Variants in PRKAB1 observed in about 807,000 individuals in gnomAD.
PRKAB1 encodes the protein 5'-AMP-activated protein kinase subunit beta-1.
In PRKAB1, 18 loss-of-function variants were observed where a neutral mutation model predicts 32.0. The observed-to-expected ratio is 0.56, with a 90% CI of 0.39 to 0.83. The LOEUF is 0.83. PRKAB1 is among the 40% of genes least tolerant of loss of function. PRKAB1 has a pLI of 0.00. For synonymous variants in PRKAB1, 141 were observed against 141.4 expected, an observed-to-expected ratio of 1.00 and a Z score of 0.02; for missense variants, 263 against 352.6, an observed-to-expected ratio of 0.75 and a Z score of 2.03.
Position 119,679,942 on chromosome 12 carries a change from G to C in PRKAB1, c.676G>C (p.Ala226Pro). ...NKDTGISCDP[A>P]LLPEPNHVML... ...CTTTGTTCCCTCACAGTGTGATCCA[G>C]CTTTGCTTCCTGAGCCCAATCACGT... The change falls in exon 6 of 7, where the codon GCT (alanine) becomes CCT (proline). Residue 226 changes from alanine (A) to proline (P), a missense_variant. Ala to Pro is a conservative substitution (Grantham distance 27). Coordinates refer to ENST00000229328, the MANE Select transcript of PRKAB1 (RefSeq NM_006253.5). The surrounding 1 kb of genome is among the most constrained non-coding windows in gnomAD (Gnocchi z 4.1). 6.2e-7 allele frequency: 1 copy of C among 1,614,150 alleles called. No individual in the cohort carries two copies. The highest frequency in any genetic ancestry group is 8.5e-7 in the Non-Finnish European group (1 of 1,179,982).
At position 119,680,332 on chromosome 12, in the gene PRKAB1, G is replaced by C; in HGVS notation, c.*7G>C. On this transcript the variant is annotated 3_prime_UTR_variant, in exon 7 of 7. Coordinates refer to ENST00000229328, the MANE Select transcript of PRKAB1 (RefSeq NM_006253.5). ...GTTATACAAGCCCATATGAAGAGCT[G>C]GGGGCGGATGGTGGCCCAGGAGACA... 1 of 1,612,522 alleles carries C rather than the reference G, an allele frequency of 6.2e-7. No individual in the cohort carries two copies. The highest frequency in any genetic ancestry group is 8.5e-7 in the Non-Finnish European group (1 of 1,178,662).
upstream of PRKAB1, chr12:119,668,024 T>C: frequency 3.7e-6 from 2 of 539,938 alleles, no homozygotes; most frequent in Non-Finnish European, 6.2e-6. Context: ...CCTTGCGTTC[T>C]TGCCGCGGCT....
rs142278188 is a variant in PRKAB1, at chr12:119,679,714, C to A, written c.667-219C>A. On this transcript the variant is annotated intron_variant, in intron 5 of 6. Coordinates refer to ENST00000229328, the MANE Select transcript of PRKAB1 (RefSeq NM_006253.5). This position sits in a 1 kb window ranked among gnomAD's most constrained non-coding sequence, Gnocchi z 4.1. Reference sequence around the variant, plus strand: ...TAAATGCCTGGCCAGAGACACACACCGATGCCTCCAGCAGGCATGCAGGGA... The same window carrying A: ...TAAATGCCTGGCCAGAGACACACACAGATGCCTCCAGCAGGCATGCAGGGA... The A allele has an allele frequency of 1.8e-6, 1 of 553,074 alleles. No individual in the cohort carries two copies. The highest frequency in any genetic ancestry group is 1.9e-5 in the African/African-American group (1 of 52,926). 34.3% of individuals were successfully genotyped at this position (553,074 alleles called of 1,614,324 possible). A position where few individuals can be genotyped will look rare whatever the true frequency, so the allele number is the denominator to read the frequency against.
intron 4 of PRKAB1, among the ~76,000 whole-genome samples, chr12:119,676,208 G>T (rs11064875): frequency 0.035 from 5,366 of 152,250 alleles, 138 homozygotes; most frequent in Non-Finnish European, 0.054. Context: ...CCAGCCTGAA[G>T]GGAGAAGGAA....
intron 4 of PRKAB1, among the ~76,000 whole-genome samples, chr12:119,675,244 G>A (rs550308044): frequency 4.6e-5 from 7 of 152,334 alleles, no homozygotes; most frequent in African/African-American, 1.4e-4. Context: ...AACAGATTCC[G>A]TTCGTTGACA....
At chr12:119,672,116 A>C in intron 1 of PRKAB1, 185 bp from the exon 2 acceptor site, 1 of 530,440 alleles carries the variant, frequency 1.9e-6, no homozygotes, top group East Asian at 3.3e-5. Flanking sequence ...GGACTGTCTC[A>C]GTCTTCACAA....
rs2136862272 is a variant in PRKAB1, at chr12:119,680,448, A to AC, written c.*125dup. 9.9e-7 allele frequency: 1 copy of AC among 1,012,792 alleles called. No individual in the cohort carries two copies. Among genetic ancestry groups the AC allele is most frequent in the Admixed American group, 2.1e-5 (1 of 48,166 alleles). 62.7% of individuals were successfully genotyped at this position (1,012,792 alleles called of 1,614,324 possible). A position where few individuals can be genotyped will look rare whatever the true frequency, so the allele number is the denominator to read the frequency against. On this transcript the variant is annotated 3_prime_UTR_variant, in exon 7 of 7. Coordinates refer to ENST00000229328, the MANE Select transcript of PRKAB1 (RefSeq NM_006253.5). ...TCACACTCTTCAGAAGACATTTCAT[A>AC]CCTGCCCTGGTCCTGCTTGAAGGTT...
At chr12:119,678,885 T>C (rs142008322) in intron 5 of PRKAB1, 28 of 152,372 alleles carry the variant, frequency 1.8e-4, no homozygotes, top group African/African-American at 6.7e-4. Flanking sequence ...GTGGGATTGC[T>C]AGACCATGTG....
chr12:119,669,406 G>A (rs569392314), intron 1 of PRKAB1: 1 of 145,976 alleles, frequency 6.9e-6, no homozygotes, highest in South Asian at 2.2e-4. Context: ...TAGCTGGGAC[G>A]ACAGGCACCC....
At position 119,680,461 on chromosome 12, in the gene PRKAB1, C is replaced by T; in HGVS notation, c.*136C>T. On this transcript the variant is annotated 3_prime_UTR_variant, in exon 7 of 7. Transcript: ENST00000229328. ...AAGACATTTCATACCTGCCCTGGTC[C>T]TGCTTGAAGGTTTGTCCAGGCAGAG... 4.3e-6 allele frequency: 4 copies of T among 925,772 alleles called. No individual in the cohort carries two copies. The highest frequency in any genetic ancestry group is 4.9e-6 in the Non-Finnish European group (3 of 606,566). The allele number at this position is 925,772 out of a possible 1,614,324, so 57.3% of individuals were successfully genotyped here.
At chr12:119,668,475 G>C (rs1019044724) in intron 1 of PRKAB1, 72 bp downstream of exon 1, 10 of 1,553,752 alleles carry the variant, frequency 6.4e-6, no homozygotes, top group Non-Finnish European at 3.5e-6. Flanking sequence ...CTAGATTCCC[G>C]TCACATCCTT....
chr12:119,675,464 G>A (rs1955417253), intron 4 of PRKAB1, among the ~76,000 whole-genome samples: 1 of 152,166 alleles, frequency 6.6e-6, no homozygotes, highest in African/African-American at 2.4e-5. Context: ...GCAGATAGTT[G>A]AGAATCAGGG....
Position 119,674,284 on chromosome 12 carries a change from A to G in PRKAB1, c.418-56A>G. 1 of 1,406,760 alleles carries G rather than the reference A, an allele frequency of 7.1e-7. No homozygotes were observed. Among genetic ancestry groups the G allele is most frequent in the Non-Finnish European group, 1.0e-6 (1 of 1,001,716 alleles). 87.1% of individuals were successfully genotyped at this position (1,406,760 alleles called of 1,614,324 possible). ...CAGCCAGGAATTCCAAGTCCTCTGA[A>G]GAATAACTCCGCAGACCTTCCACGT... On this transcript the variant is annotated intron_variant, in intron 3 of 6. Transcript: ENST00000229328. The surrounding 1 kb of genome is among the most constrained non-coding windows in gnomAD (Gnocchi z 4.3).
chr12:119,677,949 A>G (rs531441741), intron 5 of PRKAB1: 1 of 152,162 alleles, frequency 6.6e-6, no homozygotes, highest in Admixed American at 6.6e-5. Context: ...TATTTTTAGT[A>G]AAGATGGGGT....
chr12:119,671,479 A>G, intron 1 of PRKAB1: 1 of 423,242 alleles, frequency 2.4e-6, no homozygotes, highest in South Asian at 1.7e-5. Context: ...TCATGGTAAA[A>G]GGCACCTCTT....
chr12:119,668,209 C>G lies in PRKAB1; in HGVS notation c.-36C>G, dbSNP rs773552804. The G allele has an allele frequency of 1.9e-5, 29 of 1,535,234 alleles. No individual in the cohort carries two copies. The highest frequency in any genetic ancestry group is 1.2e-5 in the Non-Finnish European group (14 of 1,148,534). On this transcript the variant is annotated 5_prime_UTR_variant, in exon 1 of 7. Transcript: ENST00000229328. ...AGGGTCCCTTTCCTGCAGTGAGGCGCCGTCCGCCTTCCCTGTGTCCCCGCA... is the reference window on the plus strand; with the variant it reads ...AGGGTCCCTTTCCTGCAGTGAGGCGGCGTCCGCCTTCCCTGTGTCCCCGCA...
rs1565876284 is a variant in PRKAB1, at chr12:119,674,929, G to GGC, written c.532+476_532+477dup. ...GTCAGAATCCCTTTGGGGAGGATGC[G>GGC]GCTCCCCACGGGAAACAGCCTGCAC... On this transcript the variant is annotated intron_variant, in intron 4 of 6. Coordinates refer to ENST00000229328, the MANE Select transcript of PRKAB1 (RefSeq NM_006253.5). The surrounding 1 kb of genome is among the most constrained non-coding windows in gnomAD (Gnocchi z 4.3). Among the ~76,000 whole-genome samples, 1 of 152,196 alleles carries GGC rather than the reference G, an allele frequency of 6.6e-6. No individual in the cohort carries two copies. The highest frequency in any genetic ancestry group is 1.5e-5 in the Non-Finnish European group (1 of 68,038).
chr12:119,668,351 T>G lies in PRKAB1; in HGVS notation c.107T>G (p.Ile36Ser). 1 of 1,613,144 alleles carries G rather than the reference T, an allele frequency of 6.2e-7. No individual in the cohort carries two copies. Among genetic ancestry groups the G allele is most frequent in the East Asian group, 2.2e-5 (1 of 44,808 alleles). Residue 36 changes from isoleucine (I) to serine (S), a missense_variant, in exon 1 of 7, where the codon ATC becomes AGC. By Grantham distance (142) the Ile-to-Ser change is moderately radical (BLOSUM62 -2). Coordinates refer to ENST00000229328, the MANE Select transcript of PRKAB1 (RefSeq NM_006253.5). ...GGTKDGDRPK[I>S]LMDSPEDADL... ...ACCAAGGACGGGGACAGGCCCAAGATCCTGATGGACAGCCCCGAAGACGCC... is the reference window on the plus strand; with the variant it reads ...ACCAAGGACGGGGACAGGCCCAAGAGCCTGATGGACAGCCCCGAAGACGCC...
At chr12:119,678,297 C>T (rs1393652186) in intron 5 of PRKAB1, 1 of 152,200 alleles carries the variant, frequency 6.6e-6, no homozygotes, top group Non-Finnish European at 1.5e-5. Context: ...TTCGTGTATT[C>T]TTATTCAAGC....
Sources: gnomAD v4.1 joint callset for allele counts (sites outside exome capture counted in the v4.1 genomes callset) on GRCh38, gnomAD v4.1.1 for gene constraint, Gnocchi (gnomAD v3.1) non-coding constraint, MANE v1.5 for transcripts, NCBI Gene and HGNC (gene_info 2026-07-23, HGNC 2026-07-21) for gene names.